Variants in DLGAP2 observed in about 807,000 individuals in gnomAD.
The protein encoded by DLGAP2 is DLG associated protein 2.
A neutral mutation model predicts 100.3 loss-of-function variants in DLGAP2; 26 were observed. The observed-to-expected ratio is 0.26, with a 90% confidence interval of 0.19 to 0.36. DLGAP2 has a LOEUF of 0.36. Among genes scored for constraint, DLGAP2 ranks in the 10% least tolerant of loss-of-function variants. DLGAP2 has a pLI of 1.00. For missense variants in DLGAP2, 1,858 were observed against 1,453.2 expected, an observed-to-expected ratio of 1.28 and a Z score of -4.53; for synonymous variants, 886 against 630.1, an observed-to-expected ratio of 1.41 and a Z score of -6.08.
intron 1 of DLGAP2, among the ~76,000 whole-genome samples, chr8:875,020 T>G (rs28877282): frequency 0.34 from 51,090 of 152,012 alleles, 8,943 homozygotes; most frequent in Non-Finnish European, 0.37. Context: ...GTAGTAACAG[T>G]TTTTGTTTTA....
At position 1,559,939 on chromosome 8, in the gene DLGAP2, C is replaced by T. The variant is rs572546074; in HGVS notation, c.1231-5744C>T. On this transcript the variant is annotated intron_variant, in intron 5 of 14. Transcript: ENST00000637795. Reference sequence around the variant, plus strand: ...GACCTTTCCTGATCCTGGCCCCTCCCGTCAGCCGACAGTGACCTTCAACAC... The same window carrying T: ...GACCTTTCCTGATCCTGGCCCCTCCTGTCAGCCGACAGTGACCTTCAACAC... 3.3e-4 allele frequency among the ~76,000 whole-genome samples: 50 copies of T among 152,346 alleles called. 1 individual carries two copies. The South Asian group carries it at 8.3e-3, about 25-fold the overall frequency.
At chr8:1,370,376 C>G (rs1802208795) in intron 3 of DLGAP2, among the ~76,000 whole-genome samples, 1 of 152,148 alleles carries the variant, frequency 6.6e-6, no homozygotes, top group Non-Finnish European at 1.5e-5. Context: ...CTCGTCACCA[C>G]CTTAATACCC....
At chr8:857,440 TGGA>T (rs1797300788) in intron 1 of DLGAP2, among the ~76,000 whole-genome samples, 1 of 152,182 alleles carries the variant, frequency 6.6e-6, no homozygotes, top group Admixed American at 6.5e-5. Context: ...ACACACCTGA[TGGA>T]GGACGAGCAT....
At chr8:1,324,760 G>C (rs923716001) in intron 3 of DLGAP2, among the ~76,000 whole-genome samples, 1 of 152,194 alleles carries the variant, frequency 6.6e-6, no homozygotes, top group Admixed American at 6.5e-5. Flanking sequence ...CGACTTCCAT[G>C]TTCCTGTCTT....
chr8:1,167,759 T>C (rs1347426004), intron 2 of DLGAP2, among the ~76,000 whole-genome samples: 2 of 152,194 alleles, frequency 1.3e-5, no homozygotes, highest in African/African-American at 4.8e-5. Context: ...CAAACATTTG[T>C]TGAACGTCTA....
intron 2 of DLGAP2, among the ~76,000 whole-genome samples, chr8:1,042,377 A>G (rs1184443890): frequency 6.6e-6 from 1 of 152,218 alleles, no homozygotes; most frequent in Non-Finnish European, 1.5e-5. Flanking sequence ...CAGGAAAAAC[A>G]TGTTAGACGC....
intron 12 of DLGAP2, among the ~76,000 whole-genome samples, chr8:1,681,081 G>A (rs1385412433): frequency 6.6e-6 from 1 of 152,076 alleles, no homozygotes; most frequent in Non-Finnish European, 1.5e-5. Flanking sequence ...TTACAAAGAG[G>A]TCATGTTTGT....
In DLGAP2 at chr8:917,114, G is replaced by C. The variant is rs117539094; in HGVS notation, c.73+9148G>C. On this transcript the variant is annotated intron_variant, in intron 2 of 14. Transcript: ENST00000637795. ...CACCAGTGAAGCACATACATTTTCA[G>C]GAGTGAAGGGCCGGGGATAGTAAAG... Among the ~76,000 whole-genome samples, 587 of 152,320 alleles carry C rather than the reference G, an allele frequency of 3.9e-3. 37 individuals are homozygous for C. The East Asian group carries it at 0.11, about 27-fold the overall frequency.
At chr8:953,751 T>C (rs1018711911) in intron 2 of DLGAP2, among the ~76,000 whole-genome samples, 1 of 152,228 alleles carries the variant, frequency 6.6e-6, no homozygotes, top group African/African-American at 2.4e-5. Context: ...CGAGTGGAGC[T>C]GACGCTGTCA....
At chr8:969,193 T>C (rs952384512) in intron 2 of DLGAP2, among the ~76,000 whole-genome samples, 2 of 152,194 alleles carry the variant, frequency 1.3e-5, no homozygotes, top group Admixed American at 6.5e-5. Flanking sequence ...GAAGGACACC[T>C]TCCACCAAGT....
intron 1 of DLGAP2, among the ~76,000 whole-genome samples, chr8:848,864 T>TCGCGCGGTGTCTGTTCCAGCATAGGAA (rs1563061803): frequency 1.5e-5 from 2 of 130,250 alleles, no homozygotes; most frequent in African/African-American, 2.7e-5. Flanking sequence ...CAGCATAGGA[T>TCGCGCGGTGTCTGTTCCAGCATAGGAA]CGCGCGGTGT....
At chr8:1,392,684 GC>G (rs1796393888) in intron 3 of DLGAP2, among the ~76,000 whole-genome samples, 1 of 152,216 alleles carries the variant, frequency 6.6e-6, no homozygotes, top group African/African-American at 2.4e-5. Flanking sequence ...TGGGGACTGG[GC>G]CAGGCCTGGG....
chr8:1,121,574 A>T (rs1314102896), intron 2 of DLGAP2, among the ~76,000 whole-genome samples: 2 of 150,888 alleles, frequency 1.3e-5, no homozygotes, highest in African/African-American at 4.9e-5. Context: ...TCCCATTAGA[A>T]CCCATGACCT....
chr8:1,353,375 C>T (rs543179785), intron 3 of DLGAP2, among the ~76,000 whole-genome samples: 2 of 152,260 alleles, frequency 1.3e-5, no homozygotes, highest in East Asian at 1.9e-4. Context: ...CTTCGAGTTC[C>T]GCACAACCCT....
At chr8:1,380,509 T>G (rs1796066828) in intron 3 of DLGAP2, among the ~76,000 whole-genome samples, 1 of 151,658 alleles carries the variant, frequency 6.6e-6, no homozygotes, top group South Asian at 2.1e-4. Flanking sequence ...AAAAGACTTG[T>G]GATAAGCGAG....
intron 2 of DLGAP2, among the ~76,000 whole-genome samples, chr8:1,023,912 G>A (rs1231762446): frequency 4.5e-5 from 4 of 88,146 alleles, no homozygotes; most frequent in South Asian, 3.2e-4. Context: ...GTTTGCTTCC[G>A]ATGCTCTGCA....
intron 1 of DLGAP2, among the ~76,000 whole-genome samples, chr8:863,211 A>G (rs1223266234): frequency 6.6e-6 from 1 of 152,192 alleles, no homozygotes; most frequent in Non-Finnish European, 1.5e-5. Context: ...GGGCAGTGGC[A>G]GGATTGGACT....
intron 14 of DLGAP2, among the ~76,000 whole-genome samples, chr8:1,700,882 C>T (rs1799546125): frequency 6.6e-6 from 1 of 152,242 alleles, no homozygotes; most frequent in Non-Finnish European, 1.5e-5. Context: ...GTCAGACTAG[C>T]GCAGTGACTG....
chr8:858,580 CAT>C (rs1262648993), intron 1 of DLGAP2, among the ~76,000 whole-genome samples: 17 of 149,260 alleles, frequency 1.1e-4, no homozygotes, highest in African/African-American at 3.7e-4. Context: ...ACCGTGGGGA[CAT>C]GTGTGACGCT....
Sources: gnomAD v4.1 joint callset for allele counts (sites outside exome capture counted in the v4.1 genomes callset) on GRCh38, gnomAD v4.1.1 for gene constraint, MANE v1.5 for transcripts, NCBI Gene and HGNC (gene_info 2026-07-23, HGNC 2026-07-21) for gene names.